The following IGF1R variants were observed in gnomAD, a reference collection of about 807,000 sequenced individuals.
IGF1R encodes insulin like growth factor 1 receptor.
IGF1R carries 44 observed loss-of-function variants against 144.6 expected under a neutral mutation model. The ratio of observed to expected loss-of-function variants is 0.30; its 90% CI spans 0.24 to 0.39. The LOEUF (loss-of-function observed/expected upper bound fraction) is 0.39. IGF1R is among the 10% of genes least tolerant of loss of function. IGF1R has a pLI of 1.00. For missense variants in IGF1R, 1,355 were observed against 1,833.7 expected, an observed-to-expected ratio of 0.74 and a Z score of 4.77; for synonymous variants, 795 against 722.8, an observed-to-expected ratio of 1.10 and a Z score of -1.60.
At chr15:98,682,134 A>G (rs1300630887) in intron 1 of IGF1R, among the ~76,000 whole-genome samples, 1 of 152,188 alleles carries the variant, frequency 6.6e-6, no homozygotes, top group Non-Finnish European at 1.5e-5. Context: ...ACCTGCCACC[A>G]TTATTTGGTC....
In IGF1R at chr15:98,960,382, C is replaced by CA. The variant is rs1490198203; in HGVS notation, c.*2941dup. On this transcript the variant is annotated 3_prime_UTR_variant, in exon 21 of 21. Coordinates refer to ENST00000650285, the MANE Select transcript of IGF1R (RefSeq NM_000875.5). The stretch of plus-strand genomic sequence containing the variant: ...GGTGGCCCTGTGAGGCCAACGAGGG[C>CA]ACCAGAGCACACCTGGGGGAGCCAC... The CA allele has an allele frequency of 3.0e-5, 7 of 233,186 alleles. No individual in the cohort carries two copies. The highest frequency in any genetic ancestry group is 5.9e-5 in the Non-Finnish European group (7 of 118,046). 14.4% of individuals were successfully genotyped at this position (233,186 alleles called of 1,614,324 possible).
At chr15:98,904,124 A>C (rs62023619) in intron 5 of IGF1R, among the ~76,000 whole-genome samples, 28,159 of 143,270 alleles carry the variant, frequency 0.2, 3,264 homozygotes, top group East Asian at 0.43. Context: ...GCTGTCTCGG[A>C]TCACTGCAAG....
At chr15:98,879,228 G>A (rs1216362190) in intron 2 of IGF1R, among the ~76,000 whole-genome samples, 1 of 152,120 alleles carries the variant, frequency 6.6e-6, no homozygotes, top group Non-Finnish European at 1.5e-5. Flanking sequence ...TTAAAAGAAA[G>A]AATTCGGGGA....
At chr15:98,834,396 C>T (rs1360544037) in intron 2 of IGF1R, among the ~76,000 whole-genome samples, 1 of 152,240 alleles carries the variant, frequency 6.6e-6, no homozygotes, top group African/African-American at 2.4e-5. Context: ...ACTCCAGCTT[C>T]AGCAATATCA....
intron 1 of IGF1R, among the ~76,000 whole-genome samples, chr15:98,695,713 A>C (rs568754470): frequency 2.6e-5 from 4 of 152,156 alleles, no homozygotes; most frequent in South Asian, 2.1e-4. Flanking sequence ...TCGGGTTTCA[A>C]ATGAATCCTA....
At chr15:98,896,707 A>T (rs2151651868) in intron 3 of IGF1R, 50 bp from the exon 4 acceptor site, 1 of 1,580,832 alleles carries the variant, frequency 6.3e-7, no homozygotes, top group Non-Finnish European at 8.7e-7. Flanking sequence ...TAATGCAAGA[A>T]GACAGACTCA....
rs1377727567 is a variant in IGF1R at position 98,957,311 on chromosome 15, G to T, written c.3973G>T (p.Ala1325Ser). The T allele has an allele frequency of 1.2e-6, 2 of 1,612,732 alleles. No homozygotes were observed. The highest frequency in any genetic ancestry group is 1.7e-6 in the Non-Finnish European group (2 of 1,179,186). ...PLPDRHSGHK[A>S]ENGPGPGVLV... ...GCCCGACAGACACTCAGGACACAAG[G>T]CCGAGAACGGCCCCGGCCCTGGGGT... The change falls in exon 21 of 21, where the codon GCC (alanine) becomes TCC (serine). Residue 1325 changes from alanine to serine, a missense_variant. Physicochemically the swap from Ala to Ser is moderately conservative, Grantham distance 99. This residue lies in a region of IGF1R where 219 missense variants were observed against 188.8 expected (regional missense o/e 1.16). Coordinates refer to ENST00000650285, the MANE Select transcript of IGF1R (RefSeq NM_000875.5).
intron 1 of IGF1R, among the ~76,000 whole-genome samples, chr15:98,679,649 C>T (rs906881601): frequency 6.6e-6 from 1 of 151,992 alleles, no homozygotes; most frequent in African/African-American, 2.4e-5. Context: ...AATAAACAAC[C>T]ATGTTACTGG....
At position 98,788,028 on chromosome 15, in the gene IGF1R, G is replaced by T. The variant is rs534904836; in HGVS notation, c.640+79921G>T. Among the ~76,000 whole-genome samples the T allele has an allele frequency of 2.3e-3, 336 of 145,560 alleles. 2 individuals carry two copies. The highest frequency in any genetic ancestry group is 4.3e-3 in the Non-Finnish European group (289 of 66,960). ...TCCTCAGGCCACGTTCCTATGGTGG[G>T]TAGGGATCTCTCTCTCTCTCTCTCT... On this transcript the variant is annotated intron_variant, in intron 2 of 20. Transcript: ENST00000650285.
At chr15:98,831,871 G>C (rs1248110964) in intron 2 of IGF1R, among the ~76,000 whole-genome samples, 2 of 152,114 alleles carry the variant, frequency 1.3e-5, no homozygotes, top group Non-Finnish European at 2.9e-5. Flanking sequence ...TGAGCTGGTG[G>C]ATGGCAGGGT....
chr15:98,714,629 C>T (rs1486623398), intron 2 of IGF1R, among the ~76,000 whole-genome samples: 1 of 146,724 alleles, frequency 6.8e-6, no homozygotes, highest in Non-Finnish European at 1.5e-5. Context: ...GCCTGGGCGA[C>T]ATAATGAAAT....
At chr15:98,795,999 C>T (rs916108382) in intron 2 of IGF1R, among the ~76,000 whole-genome samples, 2 of 152,230 alleles carry the variant, frequency 1.3e-5, no homozygotes, top group African/African-American at 4.8e-5. Context: ...ATGGCGTGTT[C>T]CTCTGGAGTG....
At position 98,961,848 on chromosome 15, in the gene IGF1R, C is replaced by G; in HGVS notation, c.*4406C>G. The G allele has an allele frequency of 4.3e-6, 1 of 233,282 alleles. No individual in the cohort carries two copies. Among genetic ancestry groups the G allele is most frequent in the Non-Finnish European group, 8.5e-6 (1 of 118,058 alleles). The allele number at this position is 233,282 out of a possible 1,614,324, so 14.5% of individuals were successfully genotyped here. Reference sequence around the variant, plus strand: ...GATGGAAGACCGTGTTCGTGGCCGACCTGGCCTCTCCTGGCCTGTTTCTTA... The same window carrying G: ...GATGGAAGACCGTGTTCGTGGCCGAGCTGGCCTCTCCTGGCCTGTTTCTTA... On this transcript the variant is annotated 3_prime_UTR_variant, in exon 21 of 21. Transcript: ENST00000650285.
intron 20 of IGF1R, among the ~76,000 whole-genome samples, chr15:98,949,085 G>A (rs886649769): frequency 2.6e-5 from 4 of 152,110 alleles, no homozygotes; most frequent in Non-Finnish European, 5.9e-5. Flanking sequence ...CTCTGAAGTC[G>A]AATTCAAGAG....
chr15:98,942,082 T>C (rs1267134405), intron 18 of IGF1R, among the ~76,000 whole-genome samples: 2 of 152,156 alleles, frequency 1.3e-5, no homozygotes, highest in African/African-American at 2.4e-5. Flanking sequence ...GCCTCGTAAA[T>C]AGCATCTTTT....
At chr15:98,911,555 G>C in intron 7 of IGF1R, 114 bp downstream of exon 7, 1 of 1,405,424 alleles carries the variant, frequency 7.1e-7, no homozygotes, top group Non-Finnish European at 1.0e-6. Flanking sequence ...AGAGTCCCCA[G>C]GGAGAGCCAC....
chr15:98,756,531 C>A (rs1463294725), intron 2 of IGF1R, among the ~76,000 whole-genome samples: 1 of 151,746 alleles, frequency 6.6e-6, no homozygotes, highest in Admixed American at 6.6e-5. Context: ...TATTTTTGCT[C>A]TTTTTTTGCT....
chr15:98,686,279 A>G (rs2053325456), intron 1 of IGF1R, among the ~76,000 whole-genome samples: 1 of 152,250 alleles, frequency 6.6e-6, no homozygotes, highest in African/African-American at 2.4e-5. Flanking sequence ...CATTTATATA[A>G]TGTCCATTAC....
chr15:98,870,851 G>A (rs766341999), intron 2 of IGF1R, among the ~76,000 whole-genome samples: 14 of 152,230 alleles, frequency 9.2e-5, no homozygotes, highest in African/African-American at 1.7e-4. Flanking sequence ...CCGTTGCAAT[G>A]GCCTTGAGTG....
Sources: allele counts gnomAD v4.1 joint callset (sites outside exome capture counted in the v4.1 genomes callset), GRCh38; gene constraint gnomAD v4.1.1; regional missense constraint gnomAD v4.1.1; transcripts MANE v1.5; gene names NCBI Gene and HGNC (gene_info 2026-07-23, HGNC 2026-07-21).